The following TMEM132D variants were observed in gnomAD, a reference collection of about 807,000 sequenced individuals.
TMEM132D encodes transmembrane protein 132D, also known as mature OL transmembrane protein.
In TMEM132D, 21 loss-of-function variants were observed where a neutral mutation model predicts 62.3. That is an observed-to-expected ratio of 0.34 (90% CI 0.24 to 0.49). The LOEUF (loss-of-function observed/expected upper bound fraction) is 0.49. TMEM132D is among the 20% of genes least tolerant of loss of function. The pLI is 0.99. For synonymous variants in TMEM132D, 621 were observed against 575.6 expected, an observed-to-expected ratio of 1.08 and a Z score of -1.13; for missense variants, 1,346 against 1,402.8, an observed-to-expected ratio of 0.96 and a Z score of 0.65.
chr12:129,481,049 C>T (rs1288087674), intron 3 of TMEM132D, among the ~76,000 whole-genome samples: 1 of 151,970 alleles, frequency 6.6e-6, no homozygotes, highest in Non-Finnish European at 1.5e-5. Flanking sequence ...TGTGAATCAG[C>T]CTGGGAAAGC....
intron 5 of TMEM132D, among the ~76,000 whole-genome samples, chr12:129,157,878 T>A (rs1192011449): frequency 6.6e-6 from 1 of 152,194 alleles, no homozygotes; most frequent in East Asian, 1.9e-4. Context: ...TATTCTCTAT[T>A]AGGGAGTGAA....
chr12:129,458,451 A>T, intron 3 of TMEM132D, among the ~76,000 whole-genome samples: 1 of 150,960 alleles, frequency 6.6e-6, no homozygotes. Context: ...TAATGATACC[A>T]TAAGACACAA....
chr12:129,820,252 C>G (rs149365758), intron 1 of TMEM132D, among the ~76,000 whole-genome samples: 3 of 152,318 alleles, frequency 2.0e-5, no homozygotes, highest in East Asian at 3.9e-4. Context: ...AGATGGTGCT[C>G]TTAACCCACT....
chr12:129,555,183 C>G (rs1272645345), intron 2 of TMEM132D, among the ~76,000 whole-genome samples: 1 of 152,214 alleles, frequency 6.6e-6, no homozygotes, highest in Non-Finnish European at 1.5e-5. Context: ...AATTTAGTCT[C>G]CTTTTTATTA....
intron 3 of TMEM132D, among the ~76,000 whole-genome samples, chr12:129,395,521 T>A (rs1213017293): frequency 6.6e-6 from 1 of 152,066 alleles, no homozygotes; most frequent in African/African-American, 2.4e-5. Context: ...ACTGCAACGT[T>A]TTATCCTAGT....
At chr12:129,084,768 G>A (rs566764152) in intron 5 of TMEM132D, 66 bp from the exon 6 acceptor site, 30 of 1,519,292 alleles carry the variant, frequency 2.0e-5, no homozygotes, top group Middle Eastern at 1.8e-4. Context: ...ATGGCCCAAG[G>A]AGGAGGAAAG....
At chr12:129,321,749 C>T (rs57289073) in intron 4 of TMEM132D, among the ~76,000 whole-genome samples, 1,733 of 152,096 alleles carry the variant, frequency 0.011, 36 homozygotes, top group African/African-American at 0.039. Context: ...TTAGTAGAGA[C>T]GGGGTTTCAC....
At chr12:129,525,440 T>C (rs1876000525) in intron 3 of TMEM132D, among the ~76,000 whole-genome samples, 1 of 152,028 alleles carries the variant, frequency 6.6e-6, no homozygotes. Flanking sequence ...CTAATGTGAT[T>C]CATCTTGTAC....
At chr12:129,377,875 A>T (rs528274198) in intron 3 of TMEM132D, among the ~76,000 whole-genome samples, 3 of 152,266 alleles carry the variant, frequency 2.0e-5, no homozygotes, top group Admixed American at 2.0e-4. Flanking sequence ...TAATTATTTT[A>T]CTTTTCTATG....
At chr12:129,179,825 C>T (rs937551006) in intron 5 of TMEM132D, among the ~76,000 whole-genome samples, 5 of 151,966 alleles carry the variant, frequency 3.3e-5, no homozygotes, top group East Asian at 1.9e-4. Context: ...GCTGGGAGTT[C>T]GAGATCAGCC....
intron 3 of TMEM132D, among the ~76,000 whole-genome samples, chr12:129,379,710 C>G (rs1023486034): frequency 6.6e-6 from 1 of 152,284 alleles, no homozygotes; most frequent in South Asian, 2.1e-4. Context: ...TCCTGGTATG[C>G]TCTGAAATCT....
At chr12:129,456,422 T>C (rs1873469019) in intron 3 of TMEM132D, among the ~76,000 whole-genome samples, 2 of 152,168 alleles carry the variant, frequency 1.3e-5, no homozygotes, top group Admixed American at 6.5e-5. Context: ...GGTGAAGCTG[T>C]CTCCCAGGAT....
At chr12:129,231,130 G>A (rs1158944514) in intron 4 of TMEM132D, among the ~76,000 whole-genome samples, 1 of 152,152 alleles carries the variant, frequency 6.6e-6, no homozygotes, top group East Asian at 1.9e-4. Flanking sequence ...CCTTTAGAAG[G>A]GCAGGTCTTT....
chr12:129,876,965 C>G (rs1199602678), intron 1 of TMEM132D, among the ~76,000 whole-genome samples: 1 of 152,042 alleles, frequency 6.6e-6, no homozygotes, highest in Non-Finnish European at 1.5e-5. Context: ...AGGGAGGGTT[C>G]CCCAAAAGGA....
intron 5 of TMEM132D, among the ~76,000 whole-genome samples, chr12:129,205,754 A>C (rs960349348): frequency 6.6e-6 from 1 of 152,082 alleles, no homozygotes; most frequent in African/African-American, 2.4e-5. Context: ...AAAATCAACC[A>C]CATAATCAGA....
chr12:129,530,093 C>T (rs573471454), intron 3 of TMEM132D, among the ~76,000 whole-genome samples: 1 of 152,228 alleles, frequency 6.6e-6, no homozygotes, highest in Middle Eastern at 3.4e-3. Context: ...AAACCAACAT[C>T]GAGCAAAGAA....
intron 2 of TMEM132D, among the ~76,000 whole-genome samples, chr12:129,676,645 G>A (rs1218819380): frequency 2.0e-5 from 3 of 152,104 alleles, no homozygotes; most frequent in African/African-American, 4.8e-5. Context: ...TTATTACTGC[G>A]GGGAGGGCAC....
chr12:129,259,435 T>C (rs146094358), intron 4 of TMEM132D, among the ~76,000 whole-genome samples: 31 of 152,086 alleles, frequency 2.0e-4, no homozygotes, highest in African/African-American at 7.0e-4. Flanking sequence ...CTTGGTATGT[T>C]AGGAAAAAAA....
chr12:129,321,848 T>C (rs4759628), intron 4 of TMEM132D, among the ~76,000 whole-genome samples: 112,941 of 152,096 alleles, frequency 0.74, 42,141 homozygotes, highest in Middle Eastern at 0.85. Flanking sequence ...CGTGAGCCAC[T>C]GCACCCGGCC....
Sources: gnomAD v4.1 joint callset for allele counts (sites outside exome capture counted in the v4.1 genomes callset) on GRCh38, gnomAD v4.1.1 for gene constraint, MANE v1.5 for transcripts, NCBI Gene and HGNC (gene_info 2026-07-23, HGNC 2026-07-21) for gene names.